Variants in RBFOX1 observed in about 807,000 individuals in gnomAD.
RBFOX1 encodes the protein RNA binding protein fox-1 homolog 1.
RBFOX1 carries 8 observed loss-of-function variants against 57.7 expected under a neutral mutation model. The ratio of observed to expected loss-of-function variants is 0.14; its 90% confidence interval spans 0.08 to 0.25. The LOEUF (loss-of-function observed/expected upper bound fraction) is 0.25. Ranked by LOEUF, RBFOX1 falls within the 10% of genes least tolerant of loss-of-function variation. RBFOX1 has a pLI of 1.00. For synonymous variants in RBFOX1, 326 were observed against 222.4 expected (o/e 1.47, Z -4.15); for missense variants, 611 against 548.5 (o/e 1.11, Z -1.14).
intron 5 of RBFOX1, among the ~76,000 whole-genome samples, chr16:7,563,748 C>T (rs557147610): frequency 1.7e-4 from 26 of 152,186 alleles, no homozygotes; most frequent in African/African-American, 6.0e-4. Context: ...GATTACAGGG[C>T]TGAGCCACCG....
chr16:6,117,389 T>G (rs2152614616), intron 1 of RBFOX1, among the ~76,000 whole-genome samples: 1 of 152,368 alleles, frequency 6.6e-6, no homozygotes, highest in Middle Eastern at 3.4e-3. Flanking sequence ...ATAACAATTA[T>G]GTTCACCATA....
At chr16:7,663,905 C>T (rs1255487841) in intron 12 of RBFOX1, among the ~76,000 whole-genome samples, 1 of 152,130 alleles carries the variant, frequency 6.6e-6, no homozygotes. Context: ...GCTTCTTTTC[C>T]TGGTTGTTTT....
At chr16:5,540,678 A>T (rs1209408289) in intron 2 of RBFOX1, among the ~76,000 whole-genome samples, 1 of 152,106 alleles carries the variant, frequency 6.6e-6, no homozygotes, top group Non-Finnish European at 1.5e-5. Flanking sequence ...ATTGAATACG[A>T]ATCTCTGGCA....
intron 3 of RBFOX1, among the ~76,000 whole-genome samples, chr16:6,955,155 C>G (rs1356517611): frequency 5.3e-5 from 8 of 151,920 alleles, no homozygotes; most frequent in Middle Eastern, 3.4e-3. Flanking sequence ...GCAGGAGGAT[C>G]AGTTGAGCCT....
chr16:7,065,751 C>G (rs1295676953), intron 4 of RBFOX1, among the ~76,000 whole-genome samples: 1 of 152,118 alleles, frequency 6.6e-6, no homozygotes, highest in African/African-American at 2.4e-5. Flanking sequence ...ATCTGATGAA[C>G]TCATTCCTCC....
At chr16:6,900,757 C>A (rs1208275856) in intron 3 of RBFOX1, among the ~76,000 whole-genome samples, 1 of 152,154 alleles carries the variant, frequency 6.6e-6, no homozygotes, top group African/African-American at 2.4e-5. Flanking sequence ...GATCTTCTGT[C>A]TACGTGTAAG....
intron 3 of RBFOX1, among the ~76,000 whole-genome samples, chr16:6,764,683 T>C (rs571775980): frequency 1.3e-5 from 2 of 152,318 alleles, no homozygotes; most frequent in Admixed American, 6.5e-5. Flanking sequence ...ACGCCTGTAA[T>C]CCCAGCACTT....
At chr16:7,622,509 C>G (rs1267612764) in intron 10 of RBFOX1, among the ~76,000 whole-genome samples, 2 of 152,116 alleles carry the variant, frequency 1.3e-5, no homozygotes, top group Non-Finnish European at 2.9e-5. Context: ...AATTTTCAAA[C>G]AATAAATAGT....
chr16:6,145,700 A>T (rs1276811269), intron 1 of RBFOX1, among the ~76,000 whole-genome samples: 2 of 152,158 alleles, frequency 1.3e-5, no homozygotes, highest in African/African-American at 4.8e-5. Flanking sequence ...AGTATTTTCA[A>T]TGTTTATGGC....
At chr16:6,246,583 T>C (rs753806624) in intron 1 of RBFOX1, among the ~76,000 whole-genome samples, 5 of 151,962 alleles carry the variant, frequency 3.3e-5, no homozygotes, top group Non-Finnish European at 7.4e-5. Flanking sequence ...GGAAAAGTAA[T>C]TGGCCAAAAG....
intron 3 of RBFOX1, among the ~76,000 whole-genome samples, chr16:6,947,715 T>C (rs2079843601): frequency 6.6e-6 from 1 of 152,204 alleles, no homozygotes; most frequent in South Asian, 2.1e-4. Context: ...CTGAAATCTA[T>C]TTATAAACGT....
intron 1 of RBFOX1, among the ~76,000 whole-genome samples, chr16:6,103,468 G>C (rs2096339635): frequency 6.6e-6 from 1 of 152,090 alleles, no homozygotes; most frequent in Admixed American, 6.6e-5. Context: ...GTCAGGCTAG[G>C]TTGATGCTGT....
intron 5 of RBFOX1, among the ~76,000 whole-genome samples, chr16:7,560,484 A>G (rs2090056002): frequency 6.6e-6 from 1 of 150,886 alleles, no homozygotes; most frequent in Admixed American, 6.7e-5. Context: ...CGGATTTCAC[A>G]TTGTCATCCT....
chr16:5,256,804 T>A (rs1424837594), intron 1 of RBFOX1, among the ~76,000 whole-genome samples: 4 of 151,994 alleles, frequency 2.6e-5, no homozygotes, highest in Non-Finnish European at 4.4e-5. Context: ...TGTGGTGGCA[T>A]CTGCCTGTAG....
In RBFOX1 at chr16:5,366,448, G is replaced by C. The variant is rs1480291530; in HGVS notation, c.220-100768G>C. On this transcript the variant is annotated intron_variant, in intron 1 of 2. Transcript: ENST00000585867. ...AGTCAAATCAAAATGAAAAGACTCAGAACCATCATCAACACCAAGATCAAA... is the reference window on the plus strand; with the variant it reads ...AGTCAAATCAAAATGAAAAGACTCACAACCATCATCAACACCAAGATCAAA... 30 of 449,024 alleles carry C rather than the reference G, an allele frequency of 6.7e-5. 1 individual carries two copies. The highest frequency in any genetic ancestry group is 4.7e-4 in the South Asian group (27 of 57,348). The allele number at this position is 449,024 out of a possible 1,614,324, so 27.8% of individuals were successfully genotyped here. A position where few individuals can be genotyped will look rare whatever the true frequency, so the allele number is the denominator to read the frequency against.
Position 7,454,003 on chromosome 16 carries a change from C to T in RBFOX1, c.28-64144C>T, listed in dbSNP as rs915872658. ...ATCTCAGCAGTTTGGGAGGCCAAGA[C>T]GGGTGGATTGCCTGAGGTCAGGAGT... On this transcript the variant is annotated intron_variant, in intron 4 of 15. Coordinates refer to ENST00000550418, the MANE Select transcript of RBFOX1 (RefSeq NM_018723.4). Among the ~76,000 whole-genome samples, 7 of 152,312 alleles carry T rather than the reference C, an allele frequency of 4.6e-5. No individual in the cohort carries two copies. In the South Asian group the frequency reaches 6.2e-4, roughly 14 times the overall value.
In RBFOX1 at chr16:6,866,708, A is replaced by AT. The variant is rs1349109945; in HGVS notation, c.-15-185342dup. Among the ~76,000 whole-genome samples the AT allele has an allele frequency of 7.3e-5, 11 of 151,478 alleles. No homozygotes were observed. In the South Asian group the frequency reaches 1.9e-3, roughly 26 times the overall value. On this transcript the variant is annotated intron_variant, in intron 3 of 15. Transcript: ENST00000550418. Reference sequence around the variant, plus strand: ...AGGCGCCTGCCACCACGCCTGGCTGATTTTTTTGTATTTTTAGTAGAGAAG... The same window carrying AT: ...AGGCGCCTGCCACCACGCCTGGCTGATTTTTTTTGTATTTTTAGTAGAGAAG...
At chr16:7,675,824 C>G (rs1198569937) in intron 13 of RBFOX1, among the ~76,000 whole-genome samples, 1 of 152,132 alleles carries the variant, frequency 6.6e-6, no homozygotes, top group Non-Finnish European at 1.5e-5. Context: ...TAATTAGAAC[C>G]TGAATGGTCC....
intron 1 of RBFOX1, among the ~76,000 whole-genome samples, chr16:6,239,002 C>G (rs549876964): frequency 6.6e-6 from 1 of 151,996 alleles, no homozygotes; most frequent in East Asian, 1.9e-4. Context: ...TTCATTCTTT[C>G]TTACTATTTT....
Sources: gnomAD v4.1 joint callset for allele counts (sites outside exome capture counted in the v4.1 genomes callset) on GRCh38, gnomAD v4.1.1 for gene constraint, MANE v1.5 for transcripts, NCBI Gene and HGNC (gene_info 2026-07-23, HGNC 2026-07-21) for gene names.